The following ANKLE1 variants were observed in gnomAD, a reference collection of about 807,000 sequenced individuals.
The protein encoded by ANKLE1 is structure-specific endonuclease ANKLE1.
Under a neutral mutation model 56.2 loss-of-function variants are expected in ANKLE1, and 59 were observed. That is an observed-to-expected ratio of 1.05 (90% confidence interval 0.85 to 1.30). ANKLE1 has a LOEUF of 1.30. Among genes scored for constraint, ANKLE1 ranks in the 50% most tolerant of loss-of-function variants. ANKLE1 has a pLI of 0.00. For missense variants in ANKLE1, 771 were observed against 816.1 expected (o/e 0.94, Z 0.67); for synonymous variants, 341 against 352.9 (o/e 0.97, Z 0.38).
Position 17,285,792 on chromosome 19 carries a change from C to G in ANKLE1, c.1648C>G (p.Arg550Gly), listed in dbSNP as rs745915734. The change falls in exon 8 of 9, where the codon CGG becomes GGG. Residue 550 changes from arginine to glycine, a missense_variant. By Grantham distance (125) the Arg-to-Gly change is moderately radical. Coordinates refer to ENST00000404085, the MANE Select transcript of ANKLE1 (RefSeq NM_152363.6). Reference sequence around the variant, plus strand: ...CGTGGTCGCTGTGGAGGCTTATACACGGGAGGCGTGTATTGTGGAAGCCCT... The same window carrying G: ...CGTGGTCGCTGTGGAGGCTTATACAGGGGAGGCGTGTATTGTGGAAGCCCT... Reference protein sequence around the residue: ...QHVVAVEAYTREACIVEALGI... With the variant: ...QHVVAVEAYTGEACIVEALGI... 6.2e-7 allele frequency: 1 copy of G among 1,613,632 alleles called. No individual in the cohort carries two copies. The highest frequency in any genetic ancestry group is 1.3e-5 in the African/African-American group (1 of 74,908).
In ANKLE1 at chr19:17,285,740, T is replaced by G; in HGVS notation, c.1596T>G (p.Gly532=). 3 of 1,613,530 alleles carry G rather than the reference T, an allele frequency of 1.9e-6. No homozygotes were observed. Among genetic ancestry groups the G allele is most frequent in the Non-Finnish European group, 2.5e-6 (3 of 1,179,788 alleles). ...QILDIWASGC[G]VVSLHCFQHV... is the part of the protein sequence containing the mutation. The stretch of plus-strand genomic sequence containing the variant: ...TGGACATCTGGGCCAGTGGTTGCGG[T>G]GTTGTGTCCCTACATTGCTTCCAGC... Residue 532 remains glycine, a synonymous_variant, in exon 8 of 9, where the codon GGT becomes GGG. Transcript: ENST00000404085.
At chr19:17,282,785 A>T in intron 3 of ANKLE1, 24 bp downstream of exon 3, 1 of 1,563,610 alleles carries the variant, frequency 6.4e-7, no homozygotes, top group Non-Finnish European at 8.6e-7. Context: ...GCGCGGGCAA[A>T]GAAAGGCTGG....
At position 17,282,933 on chromosome 19, in the gene ANKLE1, C is replaced by A; in HGVS notation, c.391C>A (p.Leu131Ile). Residue 131 changes from leucine to isoleucine, a missense_variant, in exon 4 of 9, where the codon CTC becomes ATC. Leu to Ile is a conservative substitution (Grantham distance 5). Transcript: ENST00000404085. ...GGAGTGCGCGCGAGTCCTGCAGGAT[C>A]TCGACACGCGGACCAGGACCCGGAC... ...HLECARVLQD[L>I]DTRTRTRTRI... 6.4e-7 allele frequency: 1 copy of A among 1,571,850 alleles called. No individual in the cohort carries two copies. Among genetic ancestry groups the A allele is most frequent in the East Asian group, 2.3e-5 (1 of 43,168 alleles).
Position 17,287,491 on chromosome 19 carries a change from A to T in ANKLE1, c.*939A>T, listed in dbSNP as rs1392006544. ...ATCAGGACGTTAACCTTTAGACCCT[A>T]TATGGTCTAAAAAGGGGAGGCATGA... On this transcript the variant is annotated 3_prime_UTR_variant, in exon 9 of 9. Transcript: ENST00000404085. 2 of 151,980 alleles carry T rather than the reference A, an allele frequency of 1.3e-5. No homozygotes were observed. The highest frequency in any genetic ancestry group is 2.9e-5 in the Non-Finnish European group (2 of 68,038). The allele number at this position is 151,980 out of a possible 1,614,324, so 9.4% of individuals were successfully genotyped here.
chr19:17,281,997 G>A lies in ANKLE1; in HGVS notation c.62+15G>A, dbSNP rs377367388. On this transcript the variant is annotated intron_variant, in intron 1 of 8. Transcript: ENST00000404085. The stretch of plus-strand genomic sequence containing the variant: ...GAGGAGCCGTGGTGAGGGCGGGGCC[G>A]GGGGCGGGCCAGGAGTGGGGGTCTT... 3.1e-5 allele frequency: 48 copies of A among 1,534,050 alleles called. No homozygotes were observed. Among genetic ancestry groups the A allele is most frequent in the Non-Finnish European group, 4.2e-5 (48 of 1,145,508 alleles).
In ANKLE1 at chr19:17,282,082, G is replaced by A. The variant is rs945949657; in HGVS notation, c.88G>A (p.Gly30Ser). ...GGCAGTAGAGGAGCTGCTGCGCTGCGGCGCGGACCCTAATTTGGTGCTAGA... is the reference window on the plus strand; with the variant it reads ...GGCAGTAGAGGAGCTGCTGCGCTGCAGCGCGGACCCTAATTTGGTGCTAGA... Reference protein sequence around the residue: ...PWAVEELLRCGADPNLVLEDG... With the variant: ...PWAVEELLRCSADPNLVLEDG... The change falls in exon 2 of 9, where the codon GGC becomes AGC. Residue 30 changes from glycine to serine, a missense_variant. By Grantham distance (56) the Gly-to-Ser change is moderately conservative (BLOSUM62 0). Coordinates refer to ENST00000404085, the MANE Select transcript of ANKLE1 (RefSeq NM_152363.6). 11 of 1,540,324 alleles carry A rather than the reference G, an allele frequency of 7.1e-6. No individual in the cohort carries two copies. Among genetic ancestry groups the A allele is most frequent in the Non-Finnish European group, 9.6e-6 (11 of 1,146,650 alleles).
chr19:17,284,723 TC>T (rs992069299), intron 6 of ANKLE1, among the ~76,000 whole-genome samples: 1 of 134,366 alleles, frequency 7.4e-6, no homozygotes, highest in Non-Finnish European at 1.6e-5. Context: ...TCTCACTGTT[TC>T]GCCCAGGCTG....
rs987198399 is a variant in ANKLE1, at chr19:17,282,982, A to T, written c.440A>T (p.Glu147Val). 1.1e-5 allele frequency: 17 copies of T among 1,563,596 alleles called. No homozygotes were observed. The highest frequency in any genetic ancestry group is 2.7e-5 in the African/African-American group (2 of 74,076). The change falls in exon 4 of 9, where the codon GAG becomes GTG. Residue 147 changes from glutamate to valine, a missense_variant. Physicochemically the swap from Glu to Val is moderately radical, Grantham distance 121 (BLOSUM62 -2). Coordinates refer to ENST00000404085, the MANE Select transcript of ANKLE1 (RefSeq NM_152363.6). ...TRTRIGAETQEPEPAPGTPGL... is the reference protein window; with the variant it reads ...TRTRIGAETQVPEPAPGTPGL... ...ACCCGGATCGGGGCAGAGACTCAGG[A>T]GCCCGAGCCTGCACCTGGCAGTGAG... is the stretch of plus-strand genomic sequence containing the variant.
chr19:17,283,676 T>C lies in ANKLE1; in HGVS notation c.912T>C (p.His304=), dbSNP rs911734340. Reference sequence around the variant, plus strand: ...CTCTCCTGGACAGGAGTCCAGCTCATAGCCCCCCACGGACACCAACCCCTG... The same window carrying C: ...CTCTCCTGGACAGGAGTCCAGCTCACAGCCCCCCACGGACACCAACCCCTG... ...SMPLLDRSPA[H]SPPRTPTPGA... The change falls in exon 5 of 9, where the codon CAT becomes CAC. Residue 304 remains histidine, a synonymous_variant. Transcript: ENST00000404085. 5 of 1,613,424 alleles carry C rather than the reference T, an allele frequency of 3.1e-6. No individual in the cohort carries two copies. Among genetic ancestry groups the C allele is most frequent in the Non-Finnish European group, 4.2e-6 (5 of 1,179,864 alleles).
At position 17,282,957 on chromosome 19, in the gene ANKLE1, A is replaced by G. The variant is rs769300065; in HGVS notation, c.415A>G (p.Thr139Ala). 4 of 1,568,202 alleles carry G rather than the reference A, an allele frequency of 2.6e-6. No homozygotes were observed. The highest frequency in any genetic ancestry group is 2.3e-5 in the East Asian group (1 of 42,928). The change falls in exon 4 of 9, where the codon ACC becomes GCC. Residue 139 changes from threonine (T) to alanine (A), a missense_variant. Coordinates refer to ENST00000404085, the MANE Select transcript of ANKLE1 (RefSeq NM_152363.6). The stretch of plus-strand genomic sequence containing the variant: ...TCTCGACACGCGGACCAGGACCCGG[A>G]CCCGGATCGGGGCAGAGACTCAGGA... ...QDLDTRTRTR[T>A]RIGAETQEPE... is the part of the protein sequence containing the mutation.
Position 17,283,685 on chromosome 19 carries a change from A to C in ANKLE1, c.921A>C (p.Pro307=). The C allele has an allele frequency of 6.2e-7, 1 of 1,612,806 alleles. No homozygotes were observed. Among genetic ancestry groups the C allele is most frequent in the Non-Finnish European group, 8.5e-7 (1 of 1,179,730 alleles). ...ACAGGAGTCCAGCTCATAGCCCCCC[A>C]CGGACACCAACCCCTGGAGCTTCTG... ...LLDRSPAHSP[P]RTPTPGASDC... is the part of the protein sequence containing the mutation. The change falls in exon 5 of 9, where the codon CCA becomes CCC. Residue 307 remains proline, a synonymous_variant. Transcript: ENST00000404085.
Position 17,286,540 on chromosome 19 carries a change from G to A in ANKLE1, c.1836G>A (p.Gln612=). ...GACAGCTTCATCCCCAGGACATCCA[G>A]GCCCGGGGCTGAGTGCTGGGGAGTT... ...GERQLHPQDI[Q]ARG The change falls in exon 9 of 9, where the codon CAG becomes CAA. Residue 612 remains glutamine (Q), a synonymous_variant. Coordinates refer to ENST00000404085, the MANE Select transcript of ANKLE1 (RefSeq NM_152363.6). 1 of 1,607,164 alleles carries A rather than the reference G, an allele frequency of 6.2e-7. No homozygotes were observed. Among genetic ancestry groups the A allele is most frequent in the Middle Eastern group, 1.7e-4 (1 of 6,036 alleles).
intron 8 of ANKLE1, 54 bp downstream of exon 8, chr19:17,285,873 G>C: frequency 6.2e-7 from 1 of 1,600,432 alleles, no homozygotes. Flanking sequence ...TGGCTTCCCA[G>C]TTCCCTCATT....
At chr19:17,282,523 A>C (rs1266141523) in intron 2 of ANKLE1, 133 bp from the exon 3 acceptor site, 1 of 1,001,794 alleles carries the variant, frequency 1.0e-6, no homozygotes, top group East Asian at 2.6e-5. Context: ...TCTAGGTTCC[A>C]AGGGCAGTGT....
chr19:17,282,044 G>T lies in ANKLE1; in HGVS notation c.63-13G>T. 6.5e-7 allele frequency: 1 copy of T among 1,537,972 alleles called. No individual in the cohort carries two copies. The highest frequency in any genetic ancestry group is 1.4e-5 in the African/African-American group (1 of 73,134). ...TCTTTGGCCGGGGTCCACTCTGACC[G>T]CGGTGTTTGCAGGGCAGTAGAGGAG... On this transcript the variant is annotated splice_polypyrimidine_tract_variant and intron_variant, in intron 1 of 8. Coordinates refer to ENST00000404085, the MANE Select transcript of ANKLE1 (RefSeq NM_152363.6).
At chr19:17,286,258 A>G (rs1271165410) in intron 8 of ANKLE1, 122 bp from the exon 9 acceptor site, 3 of 1,316,602 alleles carry the variant, frequency 2.3e-6, no homozygotes, top group Middle Eastern at 2.7e-4. Flanking sequence ...CATGTGATCT[A>G]CCCAAAGTGT....
Position 17,283,830 on chromosome 19 carries a change from C to A in ANKLE1, c.1066C>A (p.Leu356Met), listed in dbSNP as rs267605344. The change falls in exon 5 of 9, where the codon CTG becomes ATG. Residue 356 changes from leucine to methionine, a missense_variant. Transcript: ENST00000404085. ...GGAACCTGTCGGCCCTTGCCGGCAC[C>A]TGCCAGTCTCCACTGTGTCTGACTT... ...GREPVGPCRHLPVSTVSDLEL... is the reference protein window; with the variant it reads ...GREPVGPCRHMPVSTVSDLEL... 1 of 1,613,750 alleles carries A rather than the reference C, an allele frequency of 6.2e-7. No homozygotes were observed. Among genetic ancestry groups the A allele is most frequent in the Non-Finnish European group, 8.5e-7 (1 of 1,179,910 alleles).
At chr19:17,284,971 G>A (rs1037998360) in intron 6 of ANKLE1, among the ~76,000 whole-genome samples, 1 of 152,002 alleles carries the variant, frequency 6.6e-6, no homozygotes, top group Middle Eastern at 3.4e-3. Flanking sequence ...TTACAGGCAT[G>A]AGCCCCGGCT....
intron 6 of ANKLE1, among the ~76,000 whole-genome samples, chr19:17,284,703 T>TTTTTTTGG (rs2074013481): frequency 2.7e-5 from 4 of 147,956 alleles, no homozygotes; most frequent in African/African-American, 5.0e-5. Context: ...TTTTTTTTTT[T>TTTTTTTGG]GAGGCGGAGT....
Sources: allele counts gnomAD v4.1 joint callset (sites outside exome capture counted in the v4.1 genomes callset), GRCh38; gene constraint gnomAD v4.1.1; transcripts MANE v1.5; gene names NCBI Gene and HGNC (gene_info 2026-07-23, HGNC 2026-07-21).